CKAP5: variants seen among roughly 807,000 people sequenced by gnomAD.
The protein encoded by CKAP5 is cytoskeleton associated protein 5, also known as cytoskeleton-associated protein 5.
Under a neutral mutation model 232.8 loss-of-function variants are expected in CKAP5, and 27 were observed. That is an observed-to-expected ratio of 0.12 (90% CI 0.09 to 0.16). The LOEUF (loss-of-function observed/expected upper bound fraction) is 0.16. CKAP5 is among the 10% of genes least tolerant of loss of function. CKAP5 has a pLI of 1.00. For missense variants in CKAP5, 1,838 were observed against 2,424.7 expected (o/e 0.76, Z 5.08); for synonymous variants, 785 against 841.1 (o/e 0.93, Z 1.16).
At chr11:46,844,651 C>CT (rs1165671103) in intron 1 of CKAP5, among the ~76,000 whole-genome samples, 1 of 151,680 alleles carries the variant, frequency 6.6e-6, no homozygotes, top group African/African-American at 2.4e-5. Context: ...AATTTTTTTT[C>CT]TTTTTTTTGA....
intron 1 of CKAP5, among the ~76,000 whole-genome samples, chr11:46,844,807 A>AT (rs879840739): frequency 2.0e-5 from 3 of 151,176 alleles, no homozygotes; most frequent in South Asian, 2.1e-4. Flanking sequence ...ACGCCCAGCC[A>AT]TTTTTTGTAT....
chr11:46,835,624 C>T (rs1197748302), intron 1 of CKAP5, among the ~76,000 whole-genome samples: 1 of 152,018 alleles, frequency 6.6e-6, no homozygotes, highest in Non-Finnish European at 1.5e-5. Context: ...TATACACAAG[C>T]CAATACACAC....
At position 46,770,900 on chromosome 11, in the gene CKAP5, G is replaced by C; in HGVS notation, c.3074C>G (p.Ser1025Cys). 2 of 1,614,150 alleles carry C rather than the reference G, an allele frequency of 1.2e-6. No individual in the cohort carries two copies. Among genetic ancestry groups the C allele is most frequent in the Non-Finnish European group, 1.7e-6 (2 of 1,180,012 alleles). The change falls in exon 25 of 44, where the codon TCC (serine) becomes TGC (cysteine). Residue 1025 changes from serine to cysteine, a missense_variant. Transcript: ENST00000529230. ...ATCTCCATTTCGATCTTCTAGGCAGGAGTAGAGATGAGGAACACAAAGGAT... is the reference window on the plus strand; with the variant it reads ...ATCTCCATTTCGATCTTCTAGGCAGCAGTAGAGATGAGGAACACAAAGGAT... ...DLILCVPHLYSCLEDRNGDVR... is the reference protein window; with the variant it reads ...DLILCVPHLYCCLEDRNGDVR...
intron 35 of CKAP5, among the ~76,000 whole-genome samples, chr11:46,757,680 T>C (rs1390508256): frequency 6.6e-6 from 1 of 150,574 alleles, no homozygotes; most frequent in East Asian, 2.0e-4. Context: ...CTCTGCCTCC[T>C]GGGTTAAAGT....
chr11:46,839,701 C>T (rs957332466), intron 1 of CKAP5, among the ~76,000 whole-genome samples: 2 of 152,148 alleles, frequency 1.3e-5, no homozygotes, highest in South Asian at 2.1e-4. Context: ...GTAGTACAAT[C>T]ATAGGTTAAG....
chr11:46,817,553 G>T (rs1447471688), intron 3 of CKAP5, among the ~76,000 whole-genome samples: 1 of 152,174 alleles, frequency 6.6e-6, no homozygotes, highest in Non-Finnish European at 1.5e-5. Flanking sequence ...TTTACTAACG[G>T]TAAAGGAAAC....
intron 13 of CKAP5, among the ~76,000 whole-genome samples, chr11:46,794,926 T>C (rs1416615169): frequency 2.0e-5 from 3 of 152,198 alleles, no homozygotes; most frequent in Admixed American, 6.5e-5. Context: ...GGATAGTTAA[T>C]TGATTCATAG....
chr11:46,824,803 C>T (rs1488547293), intron 1 of CKAP5, among the ~76,000 whole-genome samples: 1 of 152,136 alleles, frequency 6.6e-6, no homozygotes, highest in Admixed American at 6.5e-5. Flanking sequence ...TTTTGCTACA[C>T]AGTAGAGTTT....
chr11:46,749,036 T>A (rs575693403), intron 42 of CKAP5, among the ~76,000 whole-genome samples: 1 of 151,408 alleles, frequency 6.6e-6, no homozygotes, highest in African/African-American at 2.4e-5. Context: ...TTCACCATAT[T>A]GGCCAGGCTA....
At position 46,762,210 on chromosome 11, in the gene CKAP5, G is replaced by T; in HGVS notation, c.4028-17C>A. 2 of 1,609,830 alleles carry T rather than the reference G, an allele frequency of 1.2e-6. No individual in the cohort carries two copies. Among genetic ancestry groups the T allele is most frequent in the Non-Finnish European group, 1.7e-6 (2 of 1,177,270 alleles). On this transcript the variant is annotated splice_polypyrimidine_tract_variant and intron_variant, in intron 31 of 43. Transcript: ENST00000529230. ...CCAGGCACTCTGATGGGGGAGAAAG[G>T]CTAGATTAATGAGACAACACATATT... is the stretch of plus-strand genomic sequence containing the variant.
At position 46,755,057 on chromosome 11, in the gene CKAP5, A is replaced by G. The variant is rs1198123136; in HGVS notation, c.4700T>C (p.Val1567Ala). The change falls in exon 36 of 44, where the codon GTC becomes GCC. Residue 1567 changes from valine to alanine, a missense_variant. Val to Ala is a moderately conservative substitution (Grantham distance 64). Around this residue, in one of 6 missense-constraint regions of CKAP5, gnomAD observed 579 missense variants for 843.2 expected, o/e 0.69. Coordinates refer to ENST00000529230, the MANE Select transcript of CKAP5 (RefSeq NM_001008938.4). ...SIQALTQIDE[V>A]LRQEDKAEAM... ...TTCAGCTTTGTCTTCCTGTCTCAGG[A>G]CCTCATCGATCTGATAACAAAAATT... 9 of 1,604,788 alleles carry G rather than the reference A, an allele frequency of 5.6e-6. No individual in the cohort carries two copies. In the South Asian group the frequency reaches 9.0e-5, roughly 16 times the overall value.
At chr11:46,801,814 A>G (rs955961238) in intron 8 of CKAP5, among the ~76,000 whole-genome samples, 5 of 152,200 alleles carry the variant, frequency 3.3e-5, no homozygotes, top group African/African-American at 1.2e-4. Context: ...AAGTTCTACT[A>G]ATAAAACATA....
chr11:46,841,610 A>G (rs1476772054), intron 1 of CKAP5, among the ~76,000 whole-genome samples: 3 of 152,238 alleles, frequency 2.0e-5, no homozygotes, highest in Non-Finnish European at 4.4e-5. Context: ...GTCATCAATT[A>G]CTAAAGGTAA....
chr11:46,797,996 G>C (rs1194437012), intron 10 of CKAP5, 27 bp from the exon 11 acceptor site: 6 of 1,607,404 alleles, frequency 3.7e-6, no homozygotes, highest in Admixed American at 3.4e-5. Flanking sequence ...TGGTTAATGA[G>C]CTTTTTTCAA....
chr11:46,747,215 G>C (rs979725856), intron 42 of CKAP5, among the ~76,000 whole-genome samples: 5 of 152,208 alleles, frequency 3.3e-5, no homozygotes, highest in Admixed American at 3.3e-4. Flanking sequence ...ACTAGACACA[G>C]ATGCTGAACA....
intron 1 of CKAP5, among the ~76,000 whole-genome samples, chr11:46,825,762 A>G (rs1411952940): frequency 1.3e-5 from 2 of 152,136 alleles, no homozygotes; most frequent in Non-Finnish European, 2.9e-5. Flanking sequence ...ATAAAAAAAA[A>G]AAAAGAAATT....
rs1565715672 is a variant in CKAP5, at chr11:46,751,540, G to GA, written c.5134-7dup. 6.3e-7 allele frequency: 1 copy of GA among 1,596,048 alleles called. No individual in the cohort carries two copies. The highest frequency in any genetic ancestry group is 1.1e-5 in the South Asian group (1 of 88,638). On this transcript the variant is annotated splice_region_variant and splice_polypyrimidine_tract_variant and intron_variant, in intron 38 of 43. Transcript: ENST00000529230. ...CGAACCATTCTCCAGAGACACTATT[G>GA]AAAAAAGAATAAAAGAGTTAGGAGT...
intron 42 of CKAP5, 142 bp from the exon 43 acceptor site, chr11:46,744,719 T>G: frequency 4.0e-6 from 3 of 755,472 alleles, no homozygotes; most frequent in Non-Finnish European, 6.4e-6. Flanking sequence ...CTACCTGGAG[T>G]TGGTGATAAG....
chr11:46,775,963 A>C (rs1252310091), intron 24 of CKAP5, among the ~76,000 whole-genome samples: 1 of 152,174 alleles, frequency 6.6e-6, no homozygotes, highest in Non-Finnish European at 1.5e-5. Flanking sequence ...CCCAGAGCTT[A>C]AATAATAATA....
Sources: gnomAD v4.1 joint callset for allele counts (sites outside exome capture counted in the v4.1 genomes callset) on GRCh38, gnomAD v4.1.1 for gene constraint, gnomAD v4.1.1 regional missense constraint, MANE v1.5 for transcripts, NCBI Gene and HGNC (gene_info 2026-07-23, HGNC 2026-07-21) for gene names.